Variants in PTAR1 observed in about 807,000 individuals in gnomAD.
PTAR1 encodes the protein protein prenyltransferase alpha subunit repeat containing 1, also known as protein prenyltransferase alpha subunit repeat-containing protein 1.
A neutral mutation model predicts 45.5 loss-of-function variants in PTAR1; 17 were observed. The observed-to-expected ratio is 0.37, with a 90% CI of 0.26 to 0.56. PTAR1 has a LOEUF of 0.56. PTAR1 is among the 20% of genes least tolerant of loss of function. The pLI is 0.77. For synonymous variants in PTAR1, 169 were observed against 171.3 expected, an observed-to-expected ratio of 0.99 and a Z score of 0.11; for missense variants, 391 against 476.3, an observed-to-expected ratio of 0.82 and a Z score of 1.67.
chr9:69,759,780 G>C, intron 1 of PTAR1, 73 bp downstream of exon 1: 2 of 1,403,042 alleles, frequency 1.4e-6, no homozygotes, highest in Non-Finnish European at 1.9e-6. Context: ...GCCGCCCGAG[G>C]TCGGGTGGAC....
At chr9:69,733,569 G>C (rs910736012) in intron 4 of PTAR1, among the ~76,000 whole-genome samples, 6 of 152,082 alleles carry the variant, frequency 3.9e-5, no homozygotes, top group Non-Finnish European at 1.5e-5. Context: ...AGTGCATTCT[G>C]GCTATCTGTC....
intron 2 of PTAR1, among the ~76,000 whole-genome samples, chr9:69,743,993 C>T (rs1276735000): frequency 6.6e-6 from 1 of 152,142 alleles, no homozygotes; most frequent in Non-Finnish European, 1.5e-5. Context: ...CACCACCTTA[C>T]CATACTGGAA....
At chr9:69,755,744 C>A (rs1214426952) in intron 1 of PTAR1, among the ~76,000 whole-genome samples, 1 of 152,052 alleles carries the variant, frequency 6.6e-6, no homozygotes. Flanking sequence ...AATTAAAATT[C>A]TCCTGGTGAT....
chr9:69,727,328 C>T (rs1045494041), intron 5 of PTAR1, among the ~76,000 whole-genome samples: 1 of 152,152 alleles, frequency 6.6e-6, no homozygotes, highest in African/African-American at 2.4e-5. Context: ...CCCACCACAA[C>T]CCCTACTCCT....
chr9:69,721,970 A>C (rs1185556225), intron 6 of PTAR1, among the ~76,000 whole-genome samples: 1 of 152,152 alleles, frequency 6.6e-6, no homozygotes, highest in Non-Finnish European at 1.5e-5. Flanking sequence ...AACCTGTGAT[A>C]TCTCTGAGGT....
intron 1 of PTAR1, among the ~76,000 whole-genome samples, chr9:69,755,646 C>CA (rs1270037114): frequency 6.6e-6 from 1 of 151,822 alleles, no homozygotes; most frequent in Non-Finnish European, 1.5e-5. Context: ...CTGCTCCCAC[C>CA]CCCCAAAAGA....
intron 4 of PTAR1, among the ~76,000 whole-genome samples, chr9:69,732,971 CTAAA>C (rs1232066714): frequency 3.3e-5 from 5 of 152,246 alleles, no homozygotes; most frequent in South Asian, 2.1e-4. Flanking sequence ...ATAAAAAACA[CTAAA>C]TAGTGTTTCG....
chr9:69,752,690 G>A (rs1002025037), intron 1 of PTAR1, among the ~76,000 whole-genome samples: 4 of 152,014 alleles, frequency 2.6e-5, no homozygotes, highest in African/African-American at 9.7e-5. Flanking sequence ...GGGGATCTGT[G>A]TCAATATCCA....
At chr9:69,755,016 A>G (rs539621730) in intron 1 of PTAR1, among the ~76,000 whole-genome samples, 7 of 152,308 alleles carry the variant, frequency 4.6e-5, no homozygotes, top group Admixed American at 4.6e-4. Flanking sequence ...TATAAATATC[A>G]AACATATCTC....
At chr9:69,722,023 G>T (rs1825033925) in intron 6 of PTAR1, among the ~76,000 whole-genome samples, 1 of 152,102 alleles carries the variant, frequency 6.6e-6, no homozygotes, top group Non-Finnish European at 1.5e-5. Context: ...TTGAAAACAT[G>T]AAATAAGTGT....
rs2134056309 is a variant in PTAR1, at chr9:69,711,552, A to T, written c.*6790T>A. On this transcript the variant is annotated 3_prime_UTR_variant, in exon 8 of 8. Transcript: ENST00000340434. ...ACCATTACCACTCTTAAGACGCTAGAAACAAGTAAGATTTAAGGAAAAATA... is the reference window on the plus strand; with the variant it reads ...ACCATTACCACTCTTAAGACGCTAGTAACAAGTAAGATTTAAGGAAAAATA... 1 of 152,290 alleles carries T rather than the reference A, an allele frequency of 6.6e-6. No individual in the cohort carries two copies. Among genetic ancestry groups the T allele is most frequent in the East Asian group, 1.9e-4 (1 of 5,178 alleles). The allele number at this position is 152,290 out of a possible 1,614,324, so 9.4% of individuals were successfully genotyped here.
chr9:69,730,926 C>G (rs1825506431), intron 5 of PTAR1, among the ~76,000 whole-genome samples: 1 of 152,094 alleles, frequency 6.6e-6, no homozygotes, highest in South Asian at 2.1e-4. Context: ...ACTCAATTAA[C>G]TCTCACAATA....
chr9:69,750,220 C>T (rs1245822820), intron 2 of PTAR1, among the ~76,000 whole-genome samples: 2 of 151,784 alleles, frequency 1.3e-5, no homozygotes, highest in South Asian at 2.1e-4. Context: ...AAGTGAATGC[C>T]GGATAGTTTT....
In PTAR1 at chr9:69,709,604, G is replaced by T. The variant is rs1824447621; in HGVS notation, c.*8738C>A. On this transcript the variant is annotated 3_prime_UTR_variant, in exon 8 of 8. Coordinates refer to ENST00000340434, the MANE Select transcript of PTAR1 (RefSeq NM_001099666.2). ...CAAATACTATTTTCCATATTCTACA[G>T]AAATACAATACTTTATAGCTGGCTT... is the stretch of plus-strand genomic sequence containing the variant. 6.6e-6 allele frequency: 1 copy of T among 152,114 alleles called. No individual in the cohort carries two copies. Among genetic ancestry groups the T allele is most frequent in the Non-Finnish European group, 1.5e-5 (1 of 67,994 alleles). The allele number at this position is 152,114 out of a possible 1,614,324, so 9.4% of individuals were successfully genotyped here.
chr9:69,728,368 T>G (rs1169975580), intron 5 of PTAR1, among the ~76,000 whole-genome samples: 3 of 152,200 alleles, frequency 2.0e-5, no homozygotes, highest in African/African-American at 7.2e-5. Flanking sequence ...AACTATAGTT[T>G]TATTAATATA....
chr9:69,734,430 G>A (rs1825689205), intron 3 of PTAR1, among the ~76,000 whole-genome samples, 176 bp from the exon 4 acceptor site: 1 of 152,052 alleles, frequency 6.6e-6, no homozygotes, highest in Admixed American at 6.6e-5. Flanking sequence ...ACTCATAAAT[G>A]TGACATGCAG....
At position 69,734,258 on chromosome 9, in the gene PTAR1, T is replaced by TTAA. The variant is rs558132438; in HGVS notation, c.324-5_324-4insTTA. On this transcript the variant is annotated splice_polypyrimidine_tract_variant and splice_region_variant and intron_variant, in intron 3 of 7. Transcript: ENST00000340434. ...GCCAGAGAGGATCAGCTCTTTCCTG[T>TTAA]AAAAAAAAAAAAAAAAAAAAAAAAA... 1.9e-5 allele frequency: 4 copies of TTAA among 207,704 alleles called. No individual in the cohort carries two copies. The highest frequency in any genetic ancestry group is 9.2e-5 in the Admixed American group (1 of 10,912). The allele number at this position is 207,704 out of a possible 1,614,324, so 12.9% of individuals were successfully genotyped here.
At chr9:69,752,007 T>C (rs1826555202) in intron 1 of PTAR1, among the ~76,000 whole-genome samples, 2 of 152,138 alleles carry the variant, frequency 1.3e-5, no homozygotes, top group Admixed American at 6.6e-5. Flanking sequence ...TTATAATTCT[T>C]GCCTACACAA....
intron 1 of PTAR1, among the ~76,000 whole-genome samples, chr9:69,754,991 T>G (rs77158674): frequency 0.016 from 2,446 of 152,294 alleles, 66 homozygotes; most frequent in African/African-American, 0.056. Context: ...TTTTTAATGG[T>G]TGCAATGAAT....
Sources: gnomAD v4.1 joint callset for allele counts (sites outside exome capture counted in the v4.1 genomes callset) on GRCh38, gnomAD v4.1.1 for gene constraint, MANE v1.5 for transcripts, NCBI Gene and HGNC (gene_info 2026-07-23, HGNC 2026-07-21) for gene names.